TRHDE: variants seen among roughly 807,000 people sequenced by gnomAD.
The protein encoded by TRHDE is thyrotropin-releasing hormone-degrading ectoenzyme.
TRHDE carries 72 observed loss-of-function variants against 125.7 expected under a neutral mutation model. That is an observed-to-expected ratio of 0.57 (90% CI 0.47 to 0.70). TRHDE has a LOEUF of 0.70. TRHDE is among the 30% of genes least tolerant of loss of function. The pLI is 0.00. For missense variants in TRHDE, 1,110 were observed against 1,327.1 expected (o/e 0.84, Z 2.54); for synonymous variants, 509 against 509.1 (o/e 1.00, Z 0.00).
At chr12:72,330,448 G>T (rs1592548878) in intron 2 of TRHDE, among the ~76,000 whole-genome samples, 2 of 152,308 alleles carry the variant, frequency 1.3e-5, no homozygotes, top group South Asian at 4.1e-4. Flanking sequence ...GTCAGAACTG[G>T]AGCCGAGCGA....
intron 12 of TRHDE, among the ~76,000 whole-genome samples, chr12:72,584,154 T>C (rs1592553974): frequency 6.6e-6 from 1 of 152,218 alleles, no homozygotes; most frequent in African/African-American, 2.4e-5. Flanking sequence ...AGTACCAAAT[T>C]TGTGTTTCAT....
At chr12:72,281,663 A>G (rs567232725) in intron 1 of TRHDE, among the ~76,000 whole-genome samples, 7 of 152,220 alleles carry the variant, frequency 4.6e-5, no homozygotes, top group Non-Finnish European at 8.8e-5. Flanking sequence ...CCATGAATCA[A>G]TCTGAATACT....
intron 6 of TRHDE, among the ~76,000 whole-genome samples, chr12:72,508,176 C>A (rs910286916): frequency 1.3e-5 from 2 of 152,098 alleles, no homozygotes; most frequent in African/African-American, 4.8e-5. Context: ...GGGTTAGAGC[C>A]CCCACACAGA....
intron 2 of TRHDE, chr12:72,256,853 C>G (rs1197189135): frequency 6.6e-6 from 1 of 152,208 alleles, no homozygotes; most frequent in Non-Finnish European, 1.5e-5. Context: ...CTCATCAGCA[C>G]AGAGATGAAG....
intron 2 of TRHDE, among the ~76,000 whole-genome samples, chr12:72,124,328 C>T (rs1875661848): frequency 6.6e-6 from 1 of 151,994 alleles, no homozygotes; most frequent in Non-Finnish European, 1.5e-5. Context: ...TTTTTTTGTT[C>T]AGATCATATT....
intron 2 of TRHDE, among the ~76,000 whole-genome samples, chr12:72,126,123 A>G (rs184493528): frequency 6.6e-6 from 1 of 152,320 alleles, no homozygotes; most frequent in East Asian, 1.9e-4. Context: ...ATAGCCGCAC[A>G]CACAAAAATA....
At chr12:72,640,246 G>A (rs901731222) in intron 15 of TRHDE, among the ~76,000 whole-genome samples, 4 of 152,304 alleles carry the variant, frequency 2.6e-5, no homozygotes, top group African/African-American at 4.8e-5. Flanking sequence ...CACAGTATTC[G>A]GGTGGGAGTG....
At chr12:72,660,469 T>C (rs1476127339) in intron 18 of TRHDE, among the ~76,000 whole-genome samples, 1 of 152,144 alleles carries the variant, frequency 6.6e-6, no homozygotes, top group Non-Finnish European at 1.5e-5. Flanking sequence ...TCCCTGGCAC[T>C]GGCATTACCG....
At chr12:72,329,883 AC>A (rs1869505461) in intron 2 of TRHDE, among the ~76,000 whole-genome samples, 1 of 152,200 alleles carries the variant, frequency 6.6e-6, no homozygotes, top group South Asian at 2.1e-4. Flanking sequence ...ATTTAAGAAC[AC>A]TGATATGGCA....
intron 3 of TRHDE, among the ~76,000 whole-genome samples, chr12:72,467,972 ATAT>A (rs953850698): frequency 2.6e-5 from 4 of 152,256 alleles, no homozygotes; most frequent in Non-Finnish European, 5.9e-5. Context: ...AGAATCAGTA[ATAT>A]TATAATCAGT....
intron 12 of TRHDE, among the ~76,000 whole-genome samples, chr12:72,609,675 C>T (rs1204327226): frequency 6.6e-6 from 1 of 152,150 alleles, no homozygotes; most frequent in Admixed American, 6.5e-5. Context: ...AAACTTTTGA[C>T]ATAAACATTA....
At chr12:72,631,587 G>A (rs896507358) in intron 15 of TRHDE, among the ~76,000 whole-genome samples, 31 of 151,822 alleles carry the variant, frequency 2.0e-4, no homozygotes, top group Admixed American at 5.3e-4. Flanking sequence ...AGAACATCTC[G>A]GCTTGGATGT....
intron 15 of TRHDE, 120 bp from the exon 16 acceptor site, chr12:72,652,202 T>A: frequency 3.6e-6 from 2 of 549,702 alleles, no homozygotes; most frequent in Non-Finnish European, 5.7e-6. Context: ...TCAGGTAAAA[T>A]CTAATTAGCA....
intron 2 of TRHDE, among the ~76,000 whole-genome samples, chr12:72,323,066 G>A (rs1238167241): frequency 1.3e-5 from 2 of 152,088 alleles, no homozygotes; most frequent in African/African-American, 4.8e-5. Context: ...ATTTATAAAT[G>A]AAAGTCTTAA....
At chr12:72,388,390 T>C (rs1872514421) in intron 3 of TRHDE, among the ~76,000 whole-genome samples, 1 of 152,212 alleles carries the variant, frequency 6.6e-6, no homozygotes, top group Non-Finnish European at 1.5e-5. Flanking sequence ...CTTATTTCTT[T>C]ACCCAAATGT....
At chr12:72,485,875 G>T (rs1241415581) in intron 5 of TRHDE, among the ~76,000 whole-genome samples, 1 of 152,098 alleles carries the variant, frequency 6.6e-6, no homozygotes, top group African/African-American at 2.4e-5. Flanking sequence ...GGTCATTGCT[G>T]CACTGCTTCC....
chr12:72,140,674 A>AACAGCCAT (rs1566241750), intron 2 of TRHDE, among the ~76,000 whole-genome samples: 1 of 152,186 alleles, frequency 6.6e-6, no homozygotes, highest in African/African-American at 2.4e-5. Context: ...TTGTGACTAG[A>AACAGCCAT]ACAGCCATAA....
intron 3 of TRHDE, among the ~76,000 whole-genome samples, chr12:72,386,517 T>C (rs1185955278): frequency 3.3e-5 from 5 of 152,122 alleles, no homozygotes; most frequent in Non-Finnish European, 7.4e-5. Context: ...ATTTTTTCTC[T>C]TTATTGAATT....
At chr12:72,649,465 A>T (rs1266857254) in intron 15 of TRHDE, among the ~76,000 whole-genome samples, 1 of 152,128 alleles carries the variant, frequency 6.6e-6, no homozygotes, top group Non-Finnish European at 1.5e-5. Flanking sequence ...ATCATAGGGG[A>T]AAACTTCATG....
Sources: gnomAD v4.1 joint callset for allele counts (sites outside exome capture counted in the v4.1 genomes callset) on GRCh38, gnomAD v4.1.1 for gene constraint, MANE v1.5 for transcripts, NCBI Gene and HGNC (gene_info 2026-07-23, HGNC 2026-07-21) for gene names.